EEF2K: variants seen among roughly 807,000 people sequenced by gnomAD.
EEF2K encodes the protein alternative protein EEF2K.
EEF2K carries 70 observed loss-of-function variants against 93.8 expected under a neutral mutation model. That is an observed-to-expected ratio of 0.75 (90% CI 0.62 to 0.91). The LOEUF is 0.91. EEF2K is among the 40% of genes least tolerant of loss of function. EEF2K has a pLI of 0.00. For synonymous variants in EEF2K, 376 were observed against 380.8 expected, an observed-to-expected ratio of 0.99 and a Z score of 0.15; for missense variants, 935 against 972.9, an observed-to-expected ratio of 0.96 and a Z score of 0.52.
intron 4 of EEF2K, 75 bp from the exon 5 acceptor site, chr16:22,250,579 G>A (rs2303187): frequency 0.32 from 512,868 of 1,587,428 alleles, 91,745 homozygotes; most frequent in East Asian, 0.84. Flanking sequence ...GGCATGTAAG[G>A]GGAGCACCTC....
intron 15 of EEF2K, among the ~76,000 whole-genome samples, chr16:22,273,150 C>T (rs1055419679): frequency 2.6e-5 from 4 of 152,206 alleles, no homozygotes; most frequent in African/African-American, 9.6e-5. Flanking sequence ...GGTACAGCTC[C>T]ATGACTGCTT....
At chr16:22,235,851 G>T (rs144094634) in intron 2 of EEF2K, among the ~76,000 whole-genome samples, 1 of 152,164 alleles carries the variant, frequency 6.6e-6, no homozygotes, top group Non-Finnish European at 1.5e-5. Flanking sequence ...AGGCTGGAGT[G>T]CAGTGGCACA....
intron 16 of EEF2K, among the ~76,000 whole-genome samples, chr16:22,275,639 A>G (rs1187119186): frequency 2.0e-5 from 3 of 149,264 alleles, no homozygotes; most frequent in African/African-American, 5.0e-5. Flanking sequence ...CACCACTCTC[A>G]GCCTTTTTAT....
rs931055938 is a variant in EEF2K, at chr16:22,244,657, G to A, written c.274G>A (p.Ala92Thr). 2 of 1,613,992 alleles carry A rather than the reference G, an allele frequency of 1.2e-6. No homozygotes were observed. Among genetic ancestry groups the A allele is most frequent in the Non-Finnish European group, 1.7e-6 (2 of 1,179,936 alleles). ...AGCCTGGAAGCACGCAATCCAGAAG[G>A]CCAAGCACATGCCCGACCCCTGGGC... ...KEAWKHAIQK[A>T]KHMPDPWAEF... Residue 92 changes from alanine to threonine, a missense_variant, in exon 3 of 18, where the codon GCC (alanine) becomes ACC (threonine). Coordinates refer to ENST00000263026, the MANE Select transcript of EEF2K (RefSeq NM_013302.5).
At chr16:22,235,213 CAA>C (rs557122340) in intron 2 of EEF2K, among the ~76,000 whole-genome samples, 2 of 138,214 alleles carry the variant, frequency 1.4e-5, no homozygotes, top group Non-Finnish European at 3.1e-5. Context: ...GACTGTGTCT[CAA>C]AAAAAAAAAA....
chr16:22,248,075 T>A (rs1313960604), intron 3 of EEF2K, among the ~76,000 whole-genome samples: 4 of 151,978 alleles, frequency 2.6e-5, no homozygotes, highest in Admixed American at 1.3e-4. Flanking sequence ...TTTTATTTTT[T>A]ATCTTTTGAG....
intron 10 of EEF2K, among the ~76,000 whole-genome samples, chr16:22,259,918 A>C (rs111705278): frequency 0.061 from 9,300 of 151,988 alleles, 422 homozygotes; most frequent in Non-Finnish European, 0.086. Context: ...ATACCCAGCT[A>C]ATTTTTGTAT....
chr16:22,251,952 C>T (rs1488492944), intron 6 of EEF2K, among the ~76,000 whole-genome samples: 1 of 151,596 alleles, frequency 6.6e-6, no homozygotes, highest in Non-Finnish European at 1.5e-5. Context: ...TGCCACCATG[C>T]CTAGCTAATT....
At chr16:22,237,921 C>T (rs2047183232) in intron 2 of EEF2K, among the ~76,000 whole-genome samples, 1 of 152,060 alleles carries the variant, frequency 6.6e-6, no homozygotes, top group Non-Finnish European at 1.5e-5. Context: ...TGTGGGTTTC[C>T]GCCACCAGTA....
rs1298868477 is a variant in EEF2K, at chr16:22,206,346, C to G, written c.-410C>G. ...TTCCTGGATCGAGCGCCCGCACTCCCGGCCCTGCAGCCACCCGAGTCCCGC... is the reference window on the plus strand; with the variant it reads ...TTCCTGGATCGAGCGCCCGCACTCCGGGCCCTGCAGCCACCCGAGTCCCGC... On this transcript the variant is annotated 5_prime_UTR_variant, in exon 1 of 18. Coordinates refer to ENST00000263026, the MANE Select transcript of EEF2K (RefSeq NM_013302.5). 6.5e-6 allele frequency: 1 copy of G among 153,444 alleles called. No individual in the cohort carries two copies. The highest frequency in any genetic ancestry group is 2.4e-5 in the African/African-American group (1 of 41,440). The allele number at this position is 153,444 out of a possible 1,614,324, so 9.5% of individuals were successfully genotyped here. A position where few individuals can be genotyped will look rare whatever the true frequency, so the allele number is the denominator to read the frequency against.
chr16:22,251,164 A>G lies in EEF2K; in HGVS notation c.460A>G (p.Asn154Asp). 6.2e-7 allele frequency: 1 copy of G among 1,613,838 alleles called. No homozygotes were observed. The highest frequency in any genetic ancestry group is 8.5e-7 in the Non-Finnish European group (1 of 1,179,856). ...CTCTTCCCACAGGAAGAAGCTCTCC[A>G]ACTTCTTGCATGCCCAGCAGTGGAA... The part of the protein sequence containing the change: ...RECFRTKKLS[N>D]FLHAQQWKGA... The change falls in exon 6 of 18, where the codon AAC becomes GAC. Residue 154 changes from asparagine (N) to aspartate (D), a missense_variant. Transcript: ENST00000263026.
At chr16:22,229,007 T>C (rs2047090545) in intron 2 of EEF2K, among the ~76,000 whole-genome samples, 1 of 152,122 alleles carries the variant, frequency 6.6e-6, no homozygotes, top group Admixed American at 6.6e-5. Flanking sequence ...ACAATGGTGG[T>C]GCATGCCTGT....
At chr16:22,275,535 AT>A (rs2141686399) in intron 16 of EEF2K, among the ~76,000 whole-genome samples, 1 of 151,218 alleles carries the variant, frequency 6.6e-6, no homozygotes, top group South Asian at 2.1e-4. Flanking sequence ...TACAGACAAG[AT>A]TTCACCATGT....
chr16:22,267,026 G>T, intron 15 of EEF2K, 150 bp downstream of exon 15: 1 of 978,572 alleles, frequency 1.0e-6, no homozygotes, highest in East Asian at 2.8e-5. Flanking sequence ...CACTGGTTTG[G>T]GGGCAGGCCC....
At chr16:22,248,963 G>A in intron 4 of EEF2K, 148 bp downstream of exon 4, 1 of 699,032 alleles carries the variant, frequency 1.4e-6, no homozygotes, top group Non-Finnish European at 2.2e-6. Flanking sequence ...TTTATTGGTT[G>A]TAGCCAGCAT....
At chr16:22,273,535 A>C (rs1015243872) in intron 15 of EEF2K, 91 bp from the exon 16 acceptor site, 1 of 1,543,182 alleles carries the variant, frequency 6.5e-7, no homozygotes. Flanking sequence ...CTCTCAAAAA[A>C]CAGGGTGAAG....
intron 6 of EEF2K, among the ~76,000 whole-genome samples, chr16:22,252,162 T>A (rs939102197): frequency 4.6e-5 from 7 of 152,166 alleles, no homozygotes; most frequent in African/African-American, 1.7e-4. Flanking sequence ...ACAGATGGGA[T>A]CTATTAGTCA....
At chr16:22,258,718 G>A (rs1261525276) in intron 10 of EEF2K, 23 bp downstream of exon 10, 5 of 1,613,686 alleles carry the variant, frequency 3.1e-6, no homozygotes, top group African/African-American at 1.3e-5. Context: ...TCGGTCCCTA[G>A]TCACTGTGAT....
At chr16:22,266,317 A>T in intron 13 of EEF2K, 73 bp from the exon 14 acceptor site, 1 of 1,544,996 alleles carries the variant, frequency 6.5e-7, no homozygotes, top group African/African-American at 1.4e-5. Context: ...CCTGTGTAGT[A>T]GGGGCTGCTG....
Sources: allele counts gnomAD v4.1 joint callset (sites outside exome capture counted in the v4.1 genomes callset), GRCh38; gene constraint gnomAD v4.1.1; transcripts MANE v1.5; gene names NCBI Gene and HGNC (gene_info 2026-07-23, HGNC 2026-07-21).